SH3D19: variants seen among roughly 807,000 people sequenced by gnomAD.
SH3D19 encodes SH3 domain-containing protein 19.
In SH3D19, 58 loss-of-function variants were observed where a neutral mutation model predicts 112.1. That is an observed-to-expected ratio of 0.52 (90% CI 0.42 to 0.64). SH3D19 has a LOEUF of 0.64. SH3D19 is among the 30% of genes least tolerant of loss of function. The pLI is 0.00. For synonymous variants in SH3D19, 391 were observed against 448.5 expected, an observed-to-expected ratio of 0.87 and a Z score of 1.62; for missense variants, 1,090 against 1,263.4, an observed-to-expected ratio of 0.86 and a Z score of 2.08.
At chr4:151,291,084 T>G (rs1469929430) in intron 1 of SH3D19, 1 of 1,515,522 alleles carries the variant, frequency 6.6e-7, no homozygotes, top group Non-Finnish European at 9.0e-7. Context: ...ATGCCTCTTT[T>G]CACTATGCTC....
At chr4:151,164,581 AT>A (rs529901482) in intron 8 of SH3D19, among the ~76,000 whole-genome samples, 3,360 of 142,858 alleles carry the variant, frequency 0.024, 53 homozygotes, top group Non-Finnish European at 0.034. Context: ...CGTTACACTA[AT>A]TTTTTTTTTT....
chr4:151,193,218 ACT>A (rs1375289243), intron 2 of SH3D19, among the ~76,000 whole-genome samples: 1 of 151,692 alleles, frequency 6.6e-6, no homozygotes, highest in Non-Finnish European at 1.5e-5. Context: ...GTTACATCTC[ACT>A]GTATGCACAT....
At chr4:151,177,413 A>G (rs1579977432) in intron 4 of SH3D19, among the ~76,000 whole-genome samples, 1 of 151,814 alleles carries the variant, frequency 6.6e-6, no homozygotes, top group African/African-American at 2.4e-5. Context: ...CGCGATCTCA[A>G]TCTTGGCTCC....
intron 1 of SH3D19, among the ~76,000 whole-genome samples, chr4:151,309,390 C>T (rs947341560): frequency 3.3e-5 from 5 of 151,842 alleles, no homozygotes; most frequent in South Asian, 2.1e-4. Context: ...AAATTCATGG[C>T]GGGACTAAAA....
At chr4:151,139,443 C>T (rs965812434) in intron 13 of SH3D19, among the ~76,000 whole-genome samples, 4 of 152,152 alleles carry the variant, frequency 2.6e-5, no homozygotes, top group African/African-American at 7.2e-5. Context: ...TGAGCCACTG[C>T]GCCCGGCCTA....
chr4:151,180,411 C>CTTTTTTTTTTTTTTTTTTTTTTTTTT (rs367719721), intron 3 of SH3D19, among the ~76,000 whole-genome samples: 1 of 130,768 alleles, frequency 7.6e-6, no homozygotes, highest in Non-Finnish European at 1.6e-5. Context: ...ATTTTTTTTT[C>CTTTTTTTTTTTTTTTTTTTTTTTTTT]TTTTTTTTTT....
intron 1 of SH3D19, among the ~76,000 whole-genome samples, chr4:151,292,097 A>C (rs1253535726): frequency 6.6e-6 from 1 of 152,156 alleles, no homozygotes; most frequent in Non-Finnish European, 1.5e-5. Flanking sequence ...TGGCCAGGGG[A>C]TGAAGACCAG....
At chr4:151,134,170 T>C (rs1247567300) in intron 15 of SH3D19, among the ~76,000 whole-genome samples, 1 of 152,242 alleles carries the variant, frequency 6.6e-6, no homozygotes, top group Non-Finnish European at 1.5e-5. Flanking sequence ...TCAACTATTG[T>C]GGATCAGAAG....
intron 1 of SH3D19, among the ~76,000 whole-genome samples, chr4:151,243,039 G>A (rs1239257277): frequency 6.6e-6 from 1 of 152,068 alleles, no homozygotes; most frequent in African/African-American, 2.4e-5. Context: ...AATTCTATGA[G>A]GTAATTAATT....
intron 1 of SH3D19, among the ~76,000 whole-genome samples, chr4:151,254,285 TA>T (rs1349980767): frequency 1.5e-5 from 2 of 137,344 alleles, no homozygotes; most frequent in African/African-American, 5.4e-5. Context: ...CTTGAATTAT[TA>T]TTTTTTTTAT....
chr4:151,304,671 AAAGGTTGGGAAGATAG>A (rs1278950852), intron 1 of SH3D19, among the ~76,000 whole-genome samples: 1 of 152,198 alleles, frequency 6.6e-6, no homozygotes, highest in Non-Finnish European at 1.5e-5. Flanking sequence ...AGCTAACCAA[AAAGGTTGGGAAGATAG>A]GCTAGAGAAT....
intron 1 of SH3D19, chr4:151,266,116 G>C (rs1349973549): frequency 1.3e-5 from 2 of 152,198 alleles, no homozygotes; most frequent in Non-Finnish European, 2.9e-5. Context: ...TAATCTTGGA[G>C]ACTTGGGTAT....
chr4:151,310,210 CAAAAA>C (rs1207145608), intron 1 of SH3D19, among the ~76,000 whole-genome samples: 13 of 100,340 alleles, frequency 1.3e-4, no homozygotes, highest in Admixed American at 3.5e-4. Flanking sequence ...TCTGTCTTTA[CAAAAA>C]AAAAAAAAAA....
intron 2 of SH3D19, among the ~76,000 whole-genome samples, chr4:151,197,949 A>G (rs1763719584): frequency 6.6e-6 from 1 of 152,196 alleles, no homozygotes; most frequent in Admixed American, 6.6e-5. Flanking sequence ...TTAATAAAAT[A>G]CATAAATTAT....
rs764233200 is a variant in SH3D19, at chr4:151,149,518, G to A, written c.1799C>T (p.Pro600Leu). The A allele has an allele frequency of 2.5e-6, 4 of 1,610,480 alleles. No homozygotes were observed. Among genetic ancestry groups the A allele is most frequent in the African/African-American group, 2.7e-5 (2 of 74,806 alleles). ...PGQTGGFVRV[P>L]PRLPPRPVNG... ...TACTTACCTCGGTGGCAACCTTGGG[G>A]GTACTCGCACAAAACCTCCTGTTTG... The change falls in exon 10 of 20, where the codon CCC becomes CTC. Residue 600 changes from proline (P) to leucine (L), a missense_variant. Coordinates refer to ENST00000604030, the MANE Select transcript of SH3D19 (RefSeq NM_001378122.1).
At chr4:151,204,602 T>C (rs1230782447) in intron 2 of SH3D19, among the ~76,000 whole-genome samples, 2 of 152,196 alleles carry the variant, frequency 1.3e-5, no homozygotes, top group African/African-American at 4.8e-5. Context: ...CTCCAGTACA[T>C]CTGCCATTTG....
intron 1 of SH3D19, among the ~76,000 whole-genome samples, chr4:151,253,809 T>C (rs1239147211): frequency 6.6e-6 from 1 of 152,092 alleles, no homozygotes; most frequent in East Asian, 1.9e-4. Context: ...TGTTCTGACT[T>C]ACAACTACAA....
rs373526468 is a variant in SH3D19 at position 151,128,437 on chromosome 4, GA to G, written c.2743-82del. The G allele has an allele frequency of 4.3e-3, 5,233 of 1,211,582 alleles. 152 individuals are homozygous for G. The African/African-American group carries it at 0.064, about 15-fold the overall frequency. The allele number at this position is 1,211,582 out of a possible 1,614,324, so 75.1% of individuals were successfully genotyped here. ...TCTACAAAGCTTAAAAAGTAGTGGG[GA>G]AAAAAAAACTAAGGGGTCTTAAGAT... On this transcript the variant is annotated intron_variant, in intron 17 of 19. Coordinates refer to ENST00000604030, the MANE Select transcript of SH3D19 (RefSeq NM_001378122.1).
intron 1 of SH3D19, among the ~76,000 whole-genome samples, chr4:151,316,083 G>A (rs988764150): frequency 6.6e-6 from 1 of 152,176 alleles, no homozygotes; most frequent in South Asian, 2.1e-4. Context: ...ACCTCTGCCA[G>A]GTAATCAAGG....
Sources: gnomAD v4.1 joint callset for allele counts (sites outside exome capture counted in the v4.1 genomes callset) on GRCh38, gnomAD v4.1.1 for gene constraint, MANE v1.5 for transcripts, NCBI Gene and HGNC (gene_info 2026-07-23, HGNC 2026-07-21) for gene names.